RBFOX1: variants seen among roughly 807,000 people sequenced by gnomAD.
The protein encoded by RBFOX1 is RNA binding protein fox-1 homolog 1.
Under a neutral mutation model 57.7 loss-of-function variants are expected in RBFOX1, and 8 were observed. The observed-to-expected ratio is 0.14, with a 90% CI of 0.08 to 0.25. The LOEUF is 0.25. Among genes scored for constraint, RBFOX1 ranks in the 10% least tolerant of loss-of-function variants. The pLI is 1.00. For missense variants in RBFOX1, 611 were observed against 548.5 expected, an observed-to-expected ratio of 1.11 and a Z score of -1.14; for synonymous variants, 326 against 222.4, an observed-to-expected ratio of 1.47 and a Z score of -4.15.
At chr16:7,362,902 G>A (rs1365668699) in intron 4 of RBFOX1, among the ~76,000 whole-genome samples, 1 of 152,152 alleles carries the variant, frequency 6.6e-6, no homozygotes, top group Non-Finnish European at 1.5e-5. Context: ...TATTGCTGGA[G>A]TCATTTCCTA....
chr16:7,124,381 G>A (rs1350935071), intron 4 of RBFOX1, among the ~76,000 whole-genome samples: 5 of 152,094 alleles, frequency 3.3e-5, no homozygotes, highest in African/African-American at 4.8e-5. Context: ...AGCACTGCAC[G>A]CTAGCCCAGG....
intron 3 of RBFOX1, among the ~76,000 whole-genome samples, chr16:6,890,295 G>C (rs1428052830): frequency 6.6e-6 from 1 of 152,134 alleles, no homozygotes; most frequent in East Asian, 1.9e-4. Flanking sequence ...GAGGCAGGTG[G>C]ATTGCTTGAG....
intron 1 of RBFOX1, chr16:6,039,009 C>CAAAAAAAAA (rs754708262): frequency 2.1e-5 from 1 of 47,768 alleles, no homozygotes; most frequent in Non-Finnish European, 4.0e-5. Context: ...TGCTGGTTTG[C>CAAAAAAAAA]AAAAAAAAAA....
chr16:6,131,425 T>G (rs1217157295), intron 1 of RBFOX1, among the ~76,000 whole-genome samples: 1 of 152,174 alleles, frequency 6.6e-6, no homozygotes, highest in Non-Finnish European at 1.5e-5. Context: ...CTAAAATATT[T>G]ATGATCTAGC....
intron 14 of RBFOX1, among the ~76,000 whole-genome samples, chr16:7,707,104 CTTGT>C (rs1181518700): frequency 6.6e-6 from 1 of 152,172 alleles, no homozygotes; most frequent in Admixed American, 6.5e-5. Context: ...CCTTCAGGTC[CTTGT>C]TTGAGGATCA....
At chr16:7,080,854 C>T (rs1037454372) in intron 4 of RBFOX1, among the ~76,000 whole-genome samples, 1 of 152,214 alleles carries the variant, frequency 6.6e-6, no homozygotes, top group African/African-American at 2.4e-5. Context: ...CACAATCCAT[C>T]CTCAGGACCA....
chr16:5,657,114 AAC>A (rs1450806337), intron 3 of RBFOX1, among the ~76,000 whole-genome samples: 5 of 152,168 alleles, frequency 3.3e-5, no homozygotes, highest in Non-Finnish European at 7.4e-5. Flanking sequence ...AAAAAAAAGA[AAC>A]AGTCTTCTCT....
intron 4 of RBFOX1, among the ~76,000 whole-genome samples, chr16:7,312,716 G>A (rs938075258): frequency 1.3e-5 from 2 of 152,186 alleles, no homozygotes; most frequent in Non-Finnish European, 2.9e-5. Flanking sequence ...CTTGTCAGTA[G>A]CGAAGTTATT....
At position 7,711,868 on chromosome 16, in the gene RBFOX1, T is replaced by C. The variant is rs1489024847; in HGVS notation, c.*1123T>C. 3 of 152,580 alleles carry C rather than the reference T, an allele frequency of 2.0e-5. No individual in the cohort carries two copies. The highest frequency in any genetic ancestry group is 7.2e-5 in the African/African-American group (3 of 41,432). The allele number at this position is 152,580 out of a possible 1,614,324, so 9.5% of individuals were successfully genotyped here. ...GATAATCATGGTATTTTCATCAGCT[T>C]GGTACTTTTTGAAACGTGACTGCGT... On this transcript the variant is annotated 3_prime_UTR_variant, in exon 16 of 16. Coordinates refer to ENST00000550418, the MANE Select transcript of RBFOX1 (RefSeq NM_018723.4).
chr16:6,636,971 TATTTATGTATATGTATC>T (rs1401990451), intron 2 of RBFOX1, among the ~76,000 whole-genome samples: 124 of 129,210 alleles, frequency 9.6e-4, no homozygotes, highest in African/African-American at 3.6e-3. Context: ...ATATTATGTA[TATTTATGTATATGTATC>T]ATTATGTATA....
chr16:7,259,016 C>T (rs147985528), intron 4 of RBFOX1, among the ~76,000 whole-genome samples: 2 of 152,160 alleles, frequency 1.3e-5, no homozygotes, highest in African/African-American at 2.4e-5. Flanking sequence ...TCTTGCCCCT[C>T]TTCAAACTAG....
chr16:7,099,501 ATTAC>A (rs1257226914), intron 4 of RBFOX1, among the ~76,000 whole-genome samples: 1 of 152,150 alleles, frequency 6.6e-6, no homozygotes, highest in Non-Finnish European at 1.5e-5. Context: ...CTCTTCTCCT[ATTAC>A]TTATAAACCA....
intron 4 of RBFOX1, among the ~76,000 whole-genome samples, chr16:7,103,639 G>C (rs1053263202): frequency 2.8e-4 from 43 of 152,110 alleles, no homozygotes; most frequent in African/African-American, 8.2e-4. Flanking sequence ...GCAGTTTATA[G>C]TTTTTTGTTA....
chr16:6,396,875 G>A (rs977033275), intron 2 of RBFOX1, among the ~76,000 whole-genome samples: 1 of 152,050 alleles, frequency 6.6e-6, no homozygotes, highest in African/African-American at 2.4e-5. Context: ...GAAATAACTA[G>A]TTATATAAAA....
chr16:5,530,837 C>T (rs1188126876), intron 2 of RBFOX1, among the ~76,000 whole-genome samples: 1 of 149,434 alleles, frequency 6.7e-6, no homozygotes, highest in Non-Finnish European at 1.5e-5. Flanking sequence ...CCTGTAATCC[C>T]AGCACTTTGG....
At chr16:5,541,564 C>G (rs1037109432) in intron 2 of RBFOX1, among the ~76,000 whole-genome samples, 4 of 152,110 alleles carry the variant, frequency 2.6e-5, no homozygotes, top group Non-Finnish European at 5.9e-5. Context: ...TCTGATTAGC[C>G]TTTCCAAAGG....
At chr16:6,369,002 T>C (rs1259987264) in intron 2 of RBFOX1, among the ~76,000 whole-genome samples, 2 of 152,164 alleles carry the variant, frequency 1.3e-5, no homozygotes, top group South Asian at 2.1e-4. Context: ...TTGTGTAAAA[T>C]TGAAAACATG....
chr16:7,586,309 T>C (rs894839284), intron 6 of RBFOX1, among the ~76,000 whole-genome samples: 1 of 152,128 alleles, frequency 6.6e-6, no homozygotes, highest in African/African-American at 2.4e-5. Flanking sequence ...CTGAAAAAAT[T>C]CCAAGGTTGG....
At chr16:5,506,197 G>C (rs76544188) in intron 2 of RBFOX1, among the ~76,000 whole-genome samples, 1,772 of 151,726 alleles carry the variant, frequency 0.012, 29 homozygotes, top group African/African-American at 0.04. Context: ...TCTGAAGGCA[G>C]GGTTCCCAGT....
Sources: allele counts gnomAD v4.1 joint callset (sites outside exome capture counted in the v4.1 genomes callset), GRCh38; gene constraint gnomAD v4.1.1; transcripts MANE v1.5; gene names NCBI Gene and HGNC (gene_info 2026-07-23, HGNC 2026-07-21).